The following HTR7 variants were observed in gnomAD, a reference collection of about 807,000 sequenced individuals.
HTR7 encodes 5-hydroxytryptamine receptor 7.
In HTR7, 16 loss-of-function variants were observed where a neutral mutation model predicts 34.0. That is an observed-to-expected ratio of 0.47 (90% CI 0.32 to 0.71). HTR7 has a LOEUF of 0.71. Among genes scored for constraint, HTR7 ranks in the 30% least tolerant of loss-of-function variants. The pLI, the probability that HTR7 is intolerant of heterozygous loss-of-function variation, is 0.04. For synonymous variants in HTR7, 265 were observed against 260.2 expected (o/e 1.02, Z -0.18); for missense variants, 504 against 625.5 (o/e 0.81, Z 2.07).
chr10:90,782,354 T>C (rs943724912), intron 1 of HTR7, among the ~76,000 whole-genome samples: 4 of 152,216 alleles, frequency 2.6e-5, no homozygotes, highest in Admixed American at 2.6e-4. Flanking sequence ...ATAGTAATTA[T>C]GTAATAAGAT....
chr10:90,835,349 C>T lies in HTR7; in HGVS notation c.539+21784G>A, dbSNP rs560578509. 1.8e-4 allele frequency among the ~76,000 whole-genome samples: 27 copies of T among 152,210 alleles called. No homozygotes were observed. In the Middle Eastern group the frequency reaches 0.01, roughly 58 times the overall value. Reference sequence around the variant, plus strand: ...ATCCTGGGAATGAAATTGGCAGTGTCCTCATAAATCACATAAAGCAGGGCT... The same window carrying T: ...ATCCTGGGAATGAAATTGGCAGTGTTCTCATAAATCACATAAAGCAGGGCT... On this transcript the variant is annotated intron_variant, in intron 1 of 3. Coordinates refer to ENST00000336152, the MANE Select transcript of HTR7 (RefSeq NM_019859.4).
chr10:90,811,206 GC>G (rs1478403134), intron 1 of HTR7, among the ~76,000 whole-genome samples: 1 of 152,150 alleles, frequency 6.6e-6, no homozygotes, highest in Non-Finnish European at 1.5e-5. Flanking sequence ...GCGTCCTGTA[GC>G]CTTTTTGTCC....
chr10:90,852,225 T>TA (rs1175397673), intron 1 of HTR7, among the ~76,000 whole-genome samples: 1 of 134,324 alleles, frequency 7.4e-6, no homozygotes, highest in African/African-American at 3.1e-5. Context: ...GTTTTTAATT[T>TA]AAAAAAATAA....
intron 1 of HTR7, among the ~76,000 whole-genome samples, chr10:90,855,799 C>T (rs1846570344): frequency 1.3e-5 from 2 of 152,130 alleles, no homozygotes; most frequent in South Asian, 4.2e-4. Context: ...GCAGCTTCTA[C>T]CATGATATAT....
intron 1 of HTR7, among the ~76,000 whole-genome samples, chr10:90,800,077 G>A (rs1845601127): frequency 2.0e-5 from 3 of 152,086 alleles, no homozygotes; most frequent in Admixed American, 2.0e-4. Flanking sequence ...TTAATAAGAA[G>A]AAAAATACAA....
intron 1 of HTR7, among the ~76,000 whole-genome samples, chr10:90,848,061 TC>T: frequency 6.9e-6 from 1 of 144,452 alleles, no homozygotes. Flanking sequence ...AATCACTCTC[TC>T]TTTGTTCTTT....
intron 1 of HTR7, among the ~76,000 whole-genome samples, chr10:90,842,598 A>G (rs1475367709): frequency 6.6e-6 from 1 of 152,090 alleles, no homozygotes; most frequent in Non-Finnish European, 1.5e-5. Context: ...TTGGCACCCA[A>G]CAATGGGATT....
chr10:90,742,892 A>G (rs143990193), intron 3 of HTR7, among the ~76,000 whole-genome samples: 1 of 152,316 alleles, frequency 6.6e-6, no homozygotes, highest in East Asian at 1.9e-4. Context: ...ATGATTACCA[A>G]TGAGACGTGC....
chr10:90,793,253 A>G (rs1212456707), intron 1 of HTR7, among the ~76,000 whole-genome samples: 1 of 152,088 alleles, frequency 6.6e-6, no homozygotes, highest in Non-Finnish European at 1.5e-5. Flanking sequence ...AAGGGCTTAC[A>G]TAGACATTTC....
At chr10:90,828,923 TTAAA>T (rs748570877) in intron 1 of HTR7, among the ~76,000 whole-genome samples, 23 of 148,390 alleles carry the variant, frequency 1.5e-4, no homozygotes, top group Admixed American at 4.0e-4. Flanking sequence ...GGTTGAAAAT[TTAAA>T]AAAAAGAAAG....
rs115399360 is a variant in HTR7, at chr10:90,798,842, T to C, written c.540-49248A>G. ...ATCAACTTTGGGAGGAACTTAGTTA[T>C]AGTTTATACTTTGAAACAAAGATAA... On this transcript the variant is annotated intron_variant, in intron 1 of 3. Coordinates refer to ENST00000336152, the MANE Select transcript of HTR7 (RefSeq NM_019859.4). Among the ~76,000 whole-genome samples, 989 of 152,354 alleles carry C rather than the reference T, an allele frequency of 6.5e-3. 15 individuals carry two copies. The highest frequency in any genetic ancestry group is 0.023 in the African/African-American group (938 of 41,584).
intron 1 of HTR7, among the ~76,000 whole-genome samples, chr10:90,759,319 A>G (rs553314242): frequency 6.6e-6 from 1 of 152,254 alleles, no homozygotes; most frequent in South Asian, 2.1e-4. Flanking sequence ...GGGGGAGGAA[A>G]TAAAATCCAT....
rs72810804 is a variant in HTR7, at chr10:90,799,104, T to C, written c.540-49510A>G. Among the ~76,000 whole-genome samples the C allele has an allele frequency of 5.5e-3, 837 of 152,190 alleles. 1 individual carries two copies. Among genetic ancestry groups the C allele is most frequent in the Non-Finnish European group, 8.7e-3 (593 of 68,006 alleles). ...ACTTAATGGATCAGCTGGCACCATA[T>C]AGATTGATAAACTGGCTCATCTGAT... On this transcript the variant is annotated intron_variant, in intron 1 of 3. Transcript: ENST00000336152.
intron 1 of HTR7, among the ~76,000 whole-genome samples, chr10:90,805,742 T>C (rs1845695285): frequency 6.6e-6 from 1 of 152,240 alleles, no homozygotes; most frequent in Non-Finnish European, 1.5e-5. Flanking sequence ...TATGTGTCTA[T>C]ATGTTTCTAT....
intron 1 of HTR7, among the ~76,000 whole-genome samples, chr10:90,777,679 T>C (rs1206448258): frequency 1.3e-5 from 2 of 152,182 alleles, no homozygotes; most frequent in South Asian, 2.1e-4. Flanking sequence ...CTGACCATCA[T>C]AGCACGAAGA....
rs572120007 is a variant in HTR7 at position 90,803,871 on chromosome 10, TCCA to T, written c.539+53259_539+53261del. Among the ~76,000 whole-genome samples, 22 of 152,254 alleles carry T rather than the reference TCCA, an allele frequency of 1.4e-4. No individual in the cohort carries two copies. In the East Asian group the frequency reaches 4.2e-3, roughly 29 times the overall value. ...AGAGGGCAGAGTCCCTGGCAAGGGT[TCCA>T]CCTGCAAGCCTGTGCCTGTGGCCCT... On this transcript the variant is annotated intron_variant, in intron 1 of 3. Transcript: ENST00000336152.
intron 1 of HTR7, among the ~76,000 whole-genome samples, chr10:90,802,978 T>G: frequency 6.6e-6 from 1 of 151,190 alleles, no homozygotes; most frequent in African/African-American, 2.4e-5. Flanking sequence ...CAAAAATGAG[T>G]TGTACCCCAT....
Position 90,742,428 on chromosome 10 carries a change from C to A in HTR7, c.*54G>T. The A allele has an allele frequency of 7.1e-7, 1 of 1,400,556 alleles. No homozygotes were observed. The highest frequency in any genetic ancestry group is 1.8e-5 in the Admixed American group (1 of 55,728). 86.8% of individuals were successfully genotyped at this position (1,400,556 alleles called of 1,614,324 possible). On this transcript the variant is annotated 3_prime_UTR_variant, in exon 4 of 4. Coordinates refer to ENST00000336152, the MANE Select transcript of HTR7 (RefSeq NM_019859.4). ...TTCTGCAGACTCAGCAAATGACTTC[C>A]TTCTGTTTCCACCTCTATTTTGCCT...
intron 1 of HTR7, among the ~76,000 whole-genome samples, chr10:90,766,031 G>A (rs1845016918): frequency 6.6e-6 from 1 of 152,080 alleles, no homozygotes; most frequent in Non-Finnish European, 1.5e-5. Flanking sequence ...TGTCTGTTAG[G>A]TCCATTTGGC....
Sources: allele counts gnomAD v4.1 joint callset (sites outside exome capture counted in the v4.1 genomes callset), GRCh38; gene constraint gnomAD v4.1.1; transcripts MANE v1.5; gene names NCBI Gene and HGNC (gene_info 2026-07-23, HGNC 2026-07-21).